Variants in TUSC3 observed in about 807,000 individuals in gnomAD.
TUSC3 encodes tumor suppressor candidate 3.
In TUSC3, 45 loss-of-function variants were observed where a neutral mutation model predicts 44.8. That is an observed-to-expected ratio of 1.00 (90% confidence interval 0.79 to 1.29). The LOEUF (loss-of-function observed/expected upper bound fraction) is 1.29. TUSC3 is among the 50% of genes most tolerant of loss of function. TUSC3 has a pLI of 0.00. For missense variants in TUSC3, 519 were observed against 437.9 expected (o/e 1.19, Z -1.65); for synonymous variants, 212 against 152.9 (o/e 1.39, Z -2.85).
At chr8:15,762,146 G>C (rs1212474787) in intron 10 of TUSC3, among the ~76,000 whole-genome samples, 1 of 151,808 alleles carries the variant, frequency 6.6e-6, no homozygotes, top group Non-Finnish European at 1.5e-5. Flanking sequence ...GTTTTAACCA[G>C]TCAAAACATT....
At chr8:15,603,082 T>A (rs559078837) in intron 1 of TUSC3, among the ~76,000 whole-genome samples, 3 of 151,554 alleles carry the variant, frequency 2.0e-5, no homozygotes, top group African/African-American at 7.3e-5. Flanking sequence ...TAAATTGATA[T>A]GTCAAGTCCT....
At chr8:15,487,621 C>T (rs936071568) in intron 2 of TUSC3, among the ~76,000 whole-genome samples, 2 of 152,140 alleles carry the variant, frequency 1.3e-5, no homozygotes, top group African/African-American at 4.8e-5. Flanking sequence ...TTTTTAGATT[C>T]TCAATCTTTC....
At chr8:15,832,165 C>A in the TUSC3 span, among the ~76,000 whole-genome samples, 1 of 152,070 alleles carries the variant, frequency 6.6e-6, no homozygotes, top group Non-Finnish European at 1.5e-5. Context: ...AAAGAAATTC[C>A]AACCAAGAAT....
At chr8:15,504,617 ATATATTTTT>A (rs1313044428) in intron 2 of TUSC3, among the ~76,000 whole-genome samples, 3 of 17,368 alleles carry the variant, frequency 1.7e-4, no homozygotes, top group African/African-American at 3.5e-4. Flanking sequence ...ATATATATAT[ATATATTTTT>A]TTTTTTTTTT....
intron 1 of TUSC3, among the ~76,000 whole-genome samples, chr8:15,427,563 C>T (rs1255216998): frequency 1.3e-5 from 2 of 152,154 alleles, no homozygotes; most frequent in Non-Finnish European, 2.9e-5. Flanking sequence ...CACTTGGTCT[C>T]TCAAGTCGCC....
chr8:15,721,745 A>G (rs1159924748), intron 6 of TUSC3, among the ~76,000 whole-genome samples: 1 of 152,088 alleles, frequency 6.6e-6, no homozygotes, highest in East Asian at 1.9e-4. Context: ...ATAAAACACA[A>G]ATTACTAAAA....
chr8:15,752,705 G>A (rs1364866416), intron 9 of TUSC3, among the ~76,000 whole-genome samples: 2 of 152,034 alleles, frequency 1.3e-5, no homozygotes, highest in African/African-American at 2.4e-5. Flanking sequence ...CATGTTTTGT[G>A]TAGAAAAACG....
At position 15,573,168 on chromosome 8, in the gene TUSC3, T is replaced by TCTCTC. The variant is rs1563296867; in HGVS notation, c.138+32600_138+32601insCTCTC. ...TGCTTCAGTATAGTGTTCTCTCTCT[T>TCTCTC]TCTCTCTCTCTCTCTCTCTCTCTCT... On this transcript the variant is annotated intron_variant, in intron 1 of 10. Transcript: ENST00000503731. 1.2e-3 allele frequency among the ~76,000 whole-genome samples: 104 copies of TCTCTC among 85,498 alleles called. 3 individuals are homozygous for TCTCTC. Among genetic ancestry groups the TCTCTC allele is most frequent in the African/African-American group, 4.1e-3 (81 of 19,978 alleles). The allele number at this position is 85,498 out of a possible 152,430, so 56.1% of individuals were successfully genotyped here. A position where few individuals can be genotyped will look rare whatever the true frequency, so the allele number is the denominator to read the frequency against.
At chr8:15,527,618 T>A (rs1801392719) in intron 2 of TUSC3, among the ~76,000 whole-genome samples, 1 of 152,228 alleles carries the variant, frequency 6.6e-6, no homozygotes, top group South Asian at 2.1e-4. Flanking sequence ...TTGACCAGGC[T>A]GTTCTGAAAT....
intron 6 of TUSC3, among the ~76,000 whole-genome samples, chr8:15,692,884 G>A (rs759076628): frequency 4.6e-5 from 7 of 152,010 alleles, no homozygotes; most frequent in African/African-American, 7.3e-5. Flanking sequence ...AGATCCTCTC[G>A]TTGAATTGAG....
At chr8:15,566,733 C>T (rs1047677209) in intron 1 of TUSC3, among the ~76,000 whole-genome samples, 4 of 151,916 alleles carry the variant, frequency 2.6e-5, no homozygotes, top group Non-Finnish European at 5.9e-5. Flanking sequence ...AAGCAATCCT[C>T]CCGCGTTAGT....
intron 2 of TUSC3, among the ~76,000 whole-genome samples, chr8:15,519,570 T>C (rs566602703): frequency 2.0e-5 from 3 of 152,032 alleles, no homozygotes; most frequent in African/African-American, 2.4e-5. Context: ...AAGAATCCTA[T>C]TGTGAACTGT....
chr8:15,688,549 A>G (rs569339250), intron 6 of TUSC3, among the ~76,000 whole-genome samples: 12 of 151,930 alleles, frequency 7.9e-5, no homozygotes, highest in Non-Finnish European at 1.5e-4. Flanking sequence ...GGTAATCAGC[A>G]TAGTACCCGA....
chr8:15,746,657 G>A (rs1585296716), intron 8 of TUSC3, among the ~76,000 whole-genome samples: 2 of 151,900 alleles, frequency 1.3e-5, no homozygotes, highest in South Asian at 2.1e-4. Flanking sequence ...CACATTTCAA[G>A]CCTCATTTCT....
At chr8:15,526,556 A>G (rs1399002561) in intron 2 of TUSC3, among the ~76,000 whole-genome samples, 2 of 151,604 alleles carry the variant, frequency 1.3e-5, no homozygotes, top group Non-Finnish European at 2.9e-5. Flanking sequence ...AAGTCTCAGG[A>G]GATCTTATCG....
chr8:15,517,831 T>A (rs1197380140), intron 2 of TUSC3, among the ~76,000 whole-genome samples: 1 of 152,030 alleles, frequency 6.6e-6, no homozygotes, highest in East Asian at 1.9e-4. Flanking sequence ...TGTTTTTAAA[T>A]TTATTATCAT....
At chr8:15,845,805 G>A in the TUSC3 span, among the ~76,000 whole-genome samples, 1 of 152,226 alleles carries the variant, frequency 6.6e-6, no homozygotes, top group South Asian at 2.1e-4. Context: ...ATAGGCCAGT[G>A]TTGTTAGTAC....
intron 8 of TUSC3, among the ~76,000 whole-genome samples, chr8:15,746,361 G>C (rs898369027): frequency 5.9e-5 from 9 of 152,018 alleles, no homozygotes; most frequent in Non-Finnish European, 1.2e-4. Flanking sequence ...AAGTGAGCTG[G>C]AAAACATATT....
chr8:15,676,886 A>G (rs947307445), intron 6 of TUSC3, among the ~76,000 whole-genome samples: 15 of 152,192 alleles, frequency 9.9e-5, no homozygotes, highest in Non-Finnish European at 1.8e-4. Flanking sequence ...CTTTTTCTGC[A>G]AAAAGGAGAA....
Sources: gnomAD v4.1 joint callset for allele counts (sites outside exome capture counted in the v4.1 genomes callset) on GRCh38, gnomAD v4.1.1 for gene constraint, MANE v1.5 for transcripts, NCBI Gene and HGNC (gene_info 2026-07-23, HGNC 2026-07-21) for gene names.